Variants in MICALL2 observed in about 807,000 individuals in gnomAD.
The protein encoded by MICALL2 is MICAL like 2.
MICALL2 carries 111 observed loss-of-function variants against 91.1 expected under a neutral mutation model. That is an observed-to-expected ratio of 1.22 (90% CI 1.04 to 1.43). MICALL2 has a LOEUF of 1.43. Among genes scored for constraint, MICALL2 ranks in the 40% most tolerant of loss-of-function variants. The probability of loss-of-function intolerance (pLI) is 0.00; values close to 1 mark genes in which losing one functional copy is unlikely to be tolerated. For synonymous variants in MICALL2, 694 were observed against 525.3 expected (o/e 1.32, Z -4.39); for missense variants, 1,556 against 1,236.0 (o/e 1.26, Z -3.88).
Position 1,440,014 on chromosome 7 carries a change from C to A in MICALL2, c.1877G>T (p.Gly626Val). ...GATGTGGACACTCCCAGCAAAGCTG[C>A]CTGAGACCTTCCTGGGGGCCTCCCC... is the stretch of plus-strand genomic sequence containing the variant. ...RAGEAPRKVSGSFAGSVHITL... is the reference protein window; with the variant it reads ...RAGEAPRKVSVSFAGSVHITL... Residue 626 changes from glycine to valine, a missense_variant, in exon 9 of 17, where the codon GGC becomes GTC. Coordinates refer to ENST00000297508, the MANE Select transcript of MICALL2 (RefSeq NM_182924.4). The A allele has an allele frequency of 6.4e-7, 1 of 1,565,626 alleles. No individual in the cohort carries two copies. Among genetic ancestry groups the A allele is most frequent in the Non-Finnish European group, 8.6e-7 (1 of 1,165,228 alleles).
At chr7:1,437,721 G>T (rs1272473353) in intron 13 of MICALL2, 113 bp from the exon 14 acceptor site, 2 of 1,300,460 alleles carry the variant, frequency 1.5e-6, no homozygotes, top group East Asian at 5.0e-5. Flanking sequence ...TCTGAGGCCT[G>T]ACTCGCCGCC....
At chr7:1,446,981 G>A (rs1243217568) in intron 4 of MICALL2, among the ~76,000 whole-genome samples, 153 bp from the exon 5 acceptor site, 1 of 152,120 alleles carries the variant, frequency 6.6e-6, no homozygotes, top group African/African-American at 2.4e-5. Flanking sequence ...TCACACCCAG[G>A]TGGGTGGCAG....
Position 1,442,005 on chromosome 7 carries a change from G to A in MICALL2, c.1711+187C>T, listed in dbSNP as rs1378942418. 1.1e-5 allele frequency: 8 copies of A among 697,336 alleles called. No individual in the cohort carries two copies. The East Asian group carries it at 2.1e-4, about 18-fold the overall frequency. 43.2% of individuals were successfully genotyped at this position (697,336 alleles called of 1,614,324 possible). A position where few individuals can be genotyped will look rare whatever the true frequency, so the allele number is the denominator to read the frequency against. On this transcript the variant is annotated intron_variant, in intron 7 of 16. Coordinates refer to ENST00000297508, the MANE Select transcript of MICALL2 (RefSeq NM_182924.4). ...CAGCATAGCCCTGAGGACATTTGCA[G>A]CCACCACACAGAGAGCGCACCAGGA... is the stretch of plus-strand genomic sequence containing the variant.
chr7:1,444,570 C>T lies in MICALL2; in HGVS notation c.1418+82G>A, dbSNP rs1780469656. 10 of 1,383,616 alleles carry T rather than the reference C, an allele frequency of 7.2e-6. No homozygotes were observed. In the Admixed American group the frequency reaches 2.0e-4, roughly 27 times the overall value. 85.7% of individuals were successfully genotyped at this position (1,383,616 alleles called of 1,614,324 possible). A position where few individuals can be genotyped will look rare whatever the true frequency, so the allele number is the denominator to read the frequency against. On this transcript the variant is annotated intron_variant, in intron 6 of 16. Transcript: ENST00000297508. ...CCACACAGCCAGGGAGGTGCAGCGCCCCCAACCCCTCTGGCCTCCGGGGCC... is the reference window on the plus strand; with the variant it reads ...CCACACAGCCAGGGAGGTGCAGCGCTCCCAACCCCTCTGGCCTCCGGGGCC...
In MICALL2 at chr7:1,449,497, G is replaced by T. The variant is rs1273134919; in HGVS notation, c.193-736C>A. Among the ~76,000 whole-genome samples the T allele has an allele frequency of 2.0e-5, 3 of 152,204 alleles. No individual in the cohort carries two copies. The East Asian group carries it at 5.8e-4, about 29-fold the overall frequency. On this transcript the variant is annotated intron_variant, in intron 2 of 16. Coordinates refer to ENST00000297508, the MANE Select transcript of MICALL2 (RefSeq NM_182924.4). ...ACTAATTTTTGGTATTTTTAGTAGA[G>T]ACGAGGTTTCACCATGAACTTGTAA...
intron 6 of MICALL2, among the ~76,000 whole-genome samples, 154 bp from the exon 7 acceptor site, chr7:1,442,638 C>G (rs898563550): frequency 2.5e-4 from 38 of 150,064 alleles, no homozygotes; most frequent in Non-Finnish European, 4.1e-4. Flanking sequence ...CCACCTCCCC[C>G]ACCATTGCGC....
chr7:1,444,069 G>A (rs780532606), intron 6 of MICALL2, among the ~76,000 whole-genome samples: 2,194 of 121,720 alleles, frequency 0.018, 3 homozygotes, highest in Middle Eastern at 0.034. Context: ...TCCCGCTCGC[G>A]ACCTGTCCCC....
chr7:1,450,327 T>A, intron 1 of MICALL2, 39 bp from the exon 2 acceptor site: 3 of 1,587,440 alleles, frequency 1.9e-6, no homozygotes, highest in South Asian at 1.1e-5. Context: ...CAGCTCAGAG[T>A]CCACGAAGGG....
In MICALL2 at chr7:1,437,577, G is replaced by C. The variant is rs1312745568; in HGVS notation, c.2434C>G (p.Leu812Val). The C allele has an allele frequency of 2.6e-6, 4 of 1,536,894 alleles. No individual in the cohort carries two copies. In the East Asian group the frequency reaches 7.4e-5, roughly 28 times the overall value. ...CGGCGCAGCTCGCCCTCGATGTCCAGCTGCTGCTCCTCCAGACGCTGGGCC... is the reference window on the plus strand; with the variant it reads ...CGGCGCAGCTCGCCCTCGATGTCCACCTGCTGCTCCTCCAGACGCTGGGCC... ...SKAQRLEEQQ[L>V]DIEGELRRLM... The change falls in exon 14 of 17, where the codon CTG becomes GTG. Residue 812 changes from leucine (L) to valine (V), a missense_variant. Transcript: ENST00000297508.
Position 1,448,759 on chromosome 7 carries a change from G to A in MICALL2, c.195C>T (p.Ala65=). ...CCAAGTGCTCCTCGGCCACGCGGAAGGCCTGCGAAAGGTGGGAGGGGGTCA... is the reference window on the plus strand; with the variant it reads ...CCAAGTGCTCCTCGGCCACGCGGAAAGCCTGCGAAAGGTGGGAGGGGGTCA... ...KENIYENNKL[A]FRVAEEHLGI... Residue 65 remains alanine (A), a splice_region_variant and synonymous_variant, in exon 3 of 17, where the codon GCC becomes GCT. Coordinates refer to ENST00000297508, the MANE Select transcript of MICALL2 (RefSeq NM_182924.4). The A allele has an allele frequency of 6.2e-7, 1 of 1,612,574 alleles. No homozygotes were observed. Among genetic ancestry groups the A allele is most frequent in the Non-Finnish European group, 8.5e-7 (1 of 1,179,858 alleles).
chr7:1,436,461 G>C (rs1461402743), intron 15 of MICALL2, among the ~76,000 whole-genome samples: 2 of 148,396 alleles, frequency 1.3e-5, no homozygotes, highest in Non-Finnish European at 3.0e-5. Flanking sequence ...GCTGAGGCAA[G>C]AGAATCATTT....
chr7:1,440,283 G>A (rs552872571), intron 8 of MICALL2, 198 bp from the exon 9 acceptor site: 32 of 689,406 alleles, frequency 4.6e-5, no homozygotes, highest in African/African-American at 7.2e-5. Flanking sequence ...GCCGTGGTGC[G>A]AAGCAGATTC....
At position 1,445,136 on chromosome 7, in the gene MICALL2, T is replaced by C; in HGVS notation, c.934A>G (p.Thr312Ala). 3 of 1,564,710 alleles carry C rather than the reference T, an allele frequency of 1.9e-6. No homozygotes were observed. The highest frequency in any genetic ancestry group is 2.4e-5 in the East Asian group (1 of 41,820). Residue 312 changes from threonine (T) to alanine (A), a missense_variant, in exon 6 of 17, where the codon ACG (threonine) becomes GCG (alanine). By Grantham distance (58) the Thr-to-Ala change is moderately conservative. Coordinates refer to ENST00000297508, the MANE Select transcript of MICALL2 (RefSeq NM_182924.4). ...GCTGGGCTCCTCACGTGGACGGACG[T>C]GGCGCTGGTGGCTGCAGGGTTGGGT... ...AAPNPAATSA[T>A]SVHVRSPARP...
chr7:1,446,853 T>A (rs1297380985), intron 4 of MICALL2, 25 bp from the exon 5 acceptor site: 3 of 1,492,126 alleles, frequency 2.0e-6, no homozygotes, highest in Non-Finnish European at 2.7e-6. Context: ...AGCACCTCTC[T>A]GAGCAGCCGT....
chr7:1,448,264 C>A lies in MICALL2; in HGVS notation c.334+356G>T, dbSNP rs981637940. On this transcript the variant is annotated intron_variant, in intron 3 of 16. Coordinates refer to ENST00000297508, the MANE Select transcript of MICALL2 (RefSeq NM_182924.4). Reference sequence around the variant, plus strand: ...CAAGCCACCCCAGTGGGCACAGAAGCTCAGGGGTCCAGATGGGCAAACTGA... The same window carrying A: ...CAAGCCACCCCAGTGGGCACAGAAGATCAGGGGTCCAGATGGGCAAACTGA... Among the ~76,000 whole-genome samples, 7 of 152,256 alleles carry A rather than the reference C, an allele frequency of 4.6e-5. 1 individual carries two copies. The highest frequency in any genetic ancestry group is 1.0e-4 in the Non-Finnish European group (7 of 68,040).
rs1186824620 is a variant in MICALL2 at position 1,434,382 on chromosome 7, TTTA to T, written c.*211_*213del. ...AGTCCGGGGCCATGTGGTCGGTTTC[TTTA>T]TTGAGACCACAGACGGTAGCGCAGG... On this transcript the variant is annotated 3_prime_UTR_variant, in exon 17 of 17. Transcript: ENST00000297508. 7.4e-6 allele frequency: 5 copies of T among 677,550 alleles called. No homozygotes were observed. In the Admixed American group the frequency reaches 1.0e-4, roughly 14 times the overall value. 42.0% of individuals were successfully genotyped at this position (677,550 alleles called of 1,614,324 possible).
Position 1,434,525 on chromosome 7 carries a change from G to T in MICALL2, c.*71C>A. The T allele has an allele frequency of 7.2e-7, 1 of 1,392,204 alleles. No individual in the cohort carries two copies. Among genetic ancestry groups the T allele is most frequent in the South Asian group, 1.2e-5 (1 of 86,568 alleles). 86.2% of individuals were successfully genotyped at this position (1,392,204 alleles called of 1,614,324 possible). A position where few individuals can be genotyped will look rare whatever the true frequency, so the allele number is the denominator to read the frequency against. On this transcript the variant is annotated 3_prime_UTR_variant, in exon 17 of 17. Coordinates refer to ENST00000297508, the MANE Select transcript of MICALL2 (RefSeq NM_182924.4). Reference sequence around the variant, plus strand: ...GAGTACAAGTCCGGGTTCCGGGTCCGGGCCAAGCCCATGGCCCCGAGTCCA... The same window carrying T: ...GAGTACAAGTCCGGGTTCCGGGTCCTGGCCAAGCCCATGGCCCCGAGTCCA...
chr7:1,437,818 T>C, intron 13 of MICALL2, 72 bp downstream of exon 13: 1 of 1,413,344 alleles, frequency 7.1e-7, no homozygotes, highest in African/African-American at 1.4e-5. Flanking sequence ...TGCGCTCCTG[T>C]CCCCCGCCTG....
chr7:1,435,288 C>A (rs1007239451), intron 15 of MICALL2, 141 bp from the exon 16 acceptor site: 4 of 787,316 alleles, frequency 5.1e-6, no homozygotes, highest in Non-Finnish European at 8.5e-6. Context: ...TGCTGACAGG[C>A]CACACCTTGG....
Sources: gnomAD v4.1 joint callset for allele counts (sites outside exome capture counted in the v4.1 genomes callset) on GRCh38, gnomAD v4.1.1 for gene constraint, MANE v1.5 for transcripts, NCBI Gene and HGNC (gene_info 2026-07-23, HGNC 2026-07-21) for gene names.